Variants in LEMD3 observed in about 807,000 individuals in gnomAD.
LEMD3 encodes inner nuclear membrane protein Man1.
LEMD3 carries 33 observed loss-of-function variants against 95.2 expected under a neutral mutation model. That is an observed-to-expected ratio of 0.35 (90% CI 0.26 to 0.46). The LOEUF is 0.46. Ranked by LOEUF, LEMD3 falls within the 20% of genes least tolerant of loss-of-function variation. LEMD3 has a pLI of 1.00. For missense variants in LEMD3, 1,210 were observed against 1,192.8 expected (o/e 1.01, Z -0.21); for synonymous variants, 525 against 474.6 (o/e 1.11, Z -1.38).
At chr12:65,225,047 AATTCAGTT>A (rs1231668148) in intron 4 of LEMD3, among the ~76,000 whole-genome samples, 1 of 151,932 alleles carries the variant, frequency 6.6e-6, no homozygotes, top group South Asian at 2.1e-4. Context: ...TGAATTCTTA[AATTCAGTT>A]ATTCTTTAGC....
intron 1 of LEMD3, among the ~76,000 whole-genome samples, chr12:65,190,668 C>G (rs975846613): frequency 6.6e-6 from 1 of 152,194 alleles, no homozygotes; most frequent in African/African-American, 2.4e-5. Context: ...TAAAAGCAAG[C>G]TGTACCCCAA....
Position 65,170,242 on chromosome 12 carries a change from G to A in LEMD3, c.646G>A (p.Ala216Thr), listed in dbSNP as rs1352321263. 1.3e-6 allele frequency: 2 copies of A among 1,542,196 alleles called. No individual in the cohort carries two copies. Among genetic ancestry groups the A allele is most frequent in the Non-Finnish European group, 8.8e-7 (1 of 1,142,312 alleles). The change falls in exon 1 of 13, where the codon GCA (alanine) becomes ACA (threonine). Residue 216 changes from alanine (A) to threonine (T), a missense_variant. Physicochemically the swap from Ala to Thr is moderately conservative, Grantham distance 58 (BLOSUM62 0). This residue lies in a region of LEMD3 where 749 missense variants were observed against 622.9 expected (regional missense o/e 1.20). Transcript: ENST00000308330. Reference protein sequence around the residue: ...ELQTPPGKDGAVEDEEGEGED... With the variant: ...ELQTPPGKDGTVEDEEGEGED... The stretch of plus-strand genomic sequence containing the variant: ...GCAGACCCCGCCGGGGAAAGATGGA[G>A]CAGTGGAGGACGAGGAAGGGGAGGG...
At chr12:65,174,803 G>A (rs1000270388) in intron 1 of LEMD3, among the ~76,000 whole-genome samples, 2 of 152,168 alleles carry the variant, frequency 1.3e-5, no homozygotes, top group African/African-American at 2.4e-5. Context: ...ATTTCTAGGA[G>A]GGGAATGGAC....
intron 1 of LEMD3, among the ~76,000 whole-genome samples, chr12:65,190,173 A>G (rs1167395649): frequency 1.3e-5 from 2 of 152,198 alleles, no homozygotes; most frequent in African/African-American, 4.8e-5. Flanking sequence ...AAGAGAACAG[A>G]TTTTTATTGA....
intron 4 of LEMD3, among the ~76,000 whole-genome samples, chr12:65,225,937 G>T (rs1004731937): frequency 6.6e-5 from 10 of 152,122 alleles, no homozygotes; most frequent in African/African-American, 1.9e-4. Context: ...AGTCCTATCC[G>T]CATTTTGAAT....
At chr12:65,244,722 T>C (rs1158132613) in intron 10 of LEMD3, among the ~76,000 whole-genome samples, 1 of 151,990 alleles carries the variant, frequency 6.6e-6, no homozygotes, top group Admixed American at 6.6e-5. Context: ...CCGAGGTGGG[T>C]GGATCACTTG....
rs1343881140 is a variant in LEMD3, at chr12:65,247,566, TG to T, written c.*1242del. The T allele has an allele frequency of 2.0e-5, 3 of 152,198 alleles. No individual in the cohort carries two copies. The highest frequency in any genetic ancestry group is 6.5e-5 in the Admixed American group (1 of 15,270). 9.4% of individuals were successfully genotyped at this position (152,198 alleles called of 1,614,324 possible). A position where few individuals can be genotyped will look rare whatever the true frequency, so the allele number is the denominator to read the frequency against. ...GTTTATGATTTCAGATAAAAATAGTTGCTGAGTAAATTTTACTTGTAATCTA... is the reference window on the plus strand; with the variant it reads ...GTTTATGATTTCAGATAAAAATAGTTCTGAGTAAATTTTACTTGTAATCTA... On this transcript the variant is annotated 3_prime_UTR_variant, in exon 13 of 13. Coordinates refer to ENST00000308330, the MANE Select transcript of LEMD3 (RefSeq NM_014319.5).
intron 1 of LEMD3, among the ~76,000 whole-genome samples, chr12:65,174,660 A>ATG (rs954231401): frequency 1.3e-4 from 19 of 151,684 alleles, no homozygotes; most frequent in African/African-American, 4.6e-4. Flanking sequence ...GTGTGTGTGT[A>ATG]TGTGTGTGTG....
At chr12:65,173,499 G>C (rs1291173576) in intron 1 of LEMD3, among the ~76,000 whole-genome samples, 1 of 152,148 alleles carries the variant, frequency 6.6e-6, no homozygotes, top group Non-Finnish European at 1.5e-5. Flanking sequence ...GGACTTGTCT[G>C]AATGACTGTG....
rs528821823 is a variant in LEMD3 at position 65,229,953 on chromosome 12, T to TA, written c.1696-8548dup. On this transcript the variant is annotated intron_variant, in intron 4 of 12. Coordinates refer to ENST00000308330, the MANE Select transcript of LEMD3 (RefSeq NM_014319.5). ...TTAGTACTTTAATAATTTTAGGTCTTACATTTAATTATTTAATCCATTTTG... is the reference window on the plus strand; with the variant it reads ...TTAGTACTTTAATAATTTTAGGTCTTAACATTTAATTATTTAATCCATTTTG... Among the ~76,000 whole-genome samples, 398 of 152,340 alleles carry TA rather than the reference T, an allele frequency of 2.6e-3. 1 individual carries two copies. Among genetic ancestry groups the TA allele is most frequent in the African/African-American group, 8.9e-3 (372 of 41,572 alleles).
intron 4 of LEMD3, among the ~76,000 whole-genome samples, chr12:65,236,280 GCCT>G (rs1870770114): frequency 6.6e-6 from 1 of 152,110 alleles, no homozygotes; most frequent in Non-Finnish European, 1.5e-5. Flanking sequence ...AGTGGCTCAT[GCCT>G]GTAATCCTAG....
chr12:65,246,238 T>C lies in LEMD3; in HGVS notation c.2649T>C (p.Thr883=), dbSNP rs1454841547. ...TTCCCCAGGCTCTCACTTCCAACAC[T>C]CCATTGAAGCCATCAAATAAACATA... The part of the protein sequence containing the change: ...HRFPQALTSN[T]PLKPSNKHMN... Residue 883 remains threonine (T), a synonymous_variant, in exon 13 of 13, where the codon ACT becomes ACC. Coordinates refer to ENST00000308330, the MANE Select transcript of LEMD3 (RefSeq NM_014319.5). 2 of 1,612,740 alleles carry C rather than the reference T, an allele frequency of 1.2e-6. No individual in the cohort carries two copies. Among genetic ancestry groups the C allele is most frequent in the South Asian group, 1.1e-5 (1 of 91,058 alleles).
In LEMD3 at chr12:65,239,936, G is replaced by C; in HGVS notation, c.1929G>C (p.Val643=). The change falls in exon 7 of 13, where the codon GTG becomes GTC. Residue 643 remains valine, a synonymous_variant. Transcript: ENST00000308330. Reference sequence around the variant, plus strand: ...AGTATATTAATATTACAGGTGTAGTGATGGTTTGTGTCGTTCTGCGTTACA... The same window carrying C: ...AGTATATTAATATTACAGGTGTAGTCATGGTTTGTGTCGTTCTGCGTTACA... The part of the protein sequence containing the change: ...HRLLLLCLGV[V]MVCVVLRYMK... 11 of 1,603,668 alleles carry C rather than the reference G, an allele frequency of 6.9e-6. No homozygotes were observed. Among genetic ancestry groups the C allele is most frequent in the Non-Finnish European group, 9.4e-6 (11 of 1,170,694 alleles).
In LEMD3 at chr12:65,169,663, C is replaced by T. The variant is rs774626762; in HGVS notation, c.67C>T (p.Arg23Cys). The T allele has an allele frequency of 2.7e-5, 43 of 1,585,960 alleles. No homozygotes were observed. The South Asian group carries it at 4.6e-4, about 17-fold the overall frequency. Residue 23 changes from arginine (R) to cysteine (C), a missense_variant, in exon 1 of 13, where the codon CGT becomes TGT. Around this residue, in one of 2 missense-constraint regions of LEMD3, gnomAD observed 749 missense variants for 622.9 expected, o/e 1.20. Coordinates refer to ENST00000308330, the MANE Select transcript of LEMD3 (RefSeq NM_014319.5). The stretch of plus-strand genomic sequence containing the variant: ...TGAGGAGCTTTTCTCTCAGCTCCGC[C>T]GTTACGGCCTGTCTCCCGGACCAGT... Reference protein sequence around the residue: ...SDEELFSQLRRYGLSPGPVTE... With the variant: ...SDEELFSQLRCYGLSPGPVTE...
At chr12:65,241,504 T>G (rs1418007409) in intron 9 of LEMD3, among the ~76,000 whole-genome samples, 1 of 151,990 alleles carries the variant, frequency 6.6e-6, no homozygotes, top group Non-Finnish European at 1.5e-5. Flanking sequence ...TTTGCCTGCC[T>G]CCTCTTACTA....
intron 1 of LEMD3, among the ~76,000 whole-genome samples, chr12:65,194,544 C>T (rs1442192166): frequency 6.6e-6 from 1 of 151,278 alleles, no homozygotes; most frequent in African/African-American, 2.4e-5. Flanking sequence ...AGTCAAGGGT[C>T]GTGGGTCTGG....
At chr12:65,199,269 G>A (rs1281876595) in intron 1 of LEMD3, among the ~76,000 whole-genome samples, 1 of 152,100 alleles carries the variant, frequency 6.6e-6, no homozygotes, top group Non-Finnish European at 1.5e-5. Flanking sequence ...GGAAGGAACA[G>A]ACTGTCATTA....
chr12:65,245,674 T>C lies in LEMD3; in HGVS notation c.2393T>C (p.Ile798Thr), dbSNP rs778755584. 3.7e-6 allele frequency: 6 copies of C among 1,612,146 alleles called. No individual in the cohort carries two copies. In the Admixed American group the frequency reaches 6.7e-5, roughly 18 times the overall value. ...TTGTTTTCATTAACTTTTAGGGAAA[T>C]AGGGGATCAGTGGCATTTGGCAATT... The part of the protein sequence containing the change: ...IRNMFDPVME[I>T]GDQWHLAIQE... Residue 798 changes from isoleucine to threonine, a missense_variant, in exon 11 of 13, where the codon ATA becomes ACA. Ile to Thr is a moderately conservative substitution (Grantham distance 89). Transcript: ENST00000308330.
intron 9 of LEMD3, among the ~76,000 whole-genome samples, chr12:65,242,665 C>T (rs1423040326): frequency 6.6e-6 from 1 of 152,154 alleles, no homozygotes; most frequent in East Asian, 1.9e-4. Flanking sequence ...TTGTCACTTG[C>T]ACTGTTGGCC....
Sources: allele counts gnomAD v4.1 joint callset (sites outside exome capture counted in the v4.1 genomes callset), GRCh38; gene constraint gnomAD v4.1.1; regional missense constraint gnomAD v4.1.1; transcripts MANE v1.5; gene names NCBI Gene and HGNC (gene_info 2026-07-23, HGNC 2026-07-21).